The following XKR6 variants were observed in gnomAD, a reference collection of about 807,000 sequenced individuals.
XKR6 encodes XK related 6.
A neutral mutation model predicts 56.7 loss-of-function variants in XKR6; 22 were observed. That is an observed-to-expected ratio of 0.39 (90% CI 0.28 to 0.55). XKR6 has a LOEUF of 0.55. XKR6 is among the 20% of genes least tolerant of loss of function. The pLI, the probability that XKR6 is intolerant of heterozygous loss-of-function variation, is 0.66. For missense variants in XKR6, 852 were observed against 889.0 expected, an observed-to-expected ratio of 0.96 and a Z score of 0.53; for synonymous variants, 524 against 387.8, an observed-to-expected ratio of 1.35 and a Z score of -4.13.
chr8:11,112,197 T>A (rs867370929), intron 1 of XKR6, among the ~76,000 whole-genome samples: 2 of 152,242 alleles, frequency 1.3e-5, no homozygotes, highest in Non-Finnish European at 2.9e-5. Context: ...GTCTTTATTT[T>A]CTTTTAAAAG....
chr8:11,170,209 A>G (rs1802298785), intron 1 of XKR6, among the ~76,000 whole-genome samples: 3 of 152,222 alleles, frequency 2.0e-5, no homozygotes. Flanking sequence ...ATCCAACAAA[A>G]ATTAAGACTC....
At chr8:11,029,221 C>A (rs1798937866) in intron 1 of XKR6, among the ~76,000 whole-genome samples, 1 of 152,180 alleles carries the variant, frequency 6.6e-6, no homozygotes, top group African/African-American at 2.4e-5. Flanking sequence ...TGTTGACCCC[C>A]AAATGCCACA....
At chr8:10,964,410 C>T (rs1445867743) in intron 1 of XKR6, among the ~76,000 whole-genome samples, 1 of 152,158 alleles carries the variant, frequency 6.6e-6, no homozygotes, top group African/African-American at 2.4e-5. Context: ...AGGCTCCGAA[C>T]CACTCACAAG....
Position 10,898,583 on chromosome 8 carries a change from T to C in XKR6, c.1295A>G (p.Asn432Ser). The stretch of plus-strand genomic sequence containing the variant: ...ATATCGAGTCCGCCCTTCCTTGACG[T>C]TAAACCAGCAGAAAATGTACACGAT... ...VGIVYIFCWF[N>S]VKEGRTRYRM... Residue 432 changes from asparagine to serine, a missense_variant, in exon 3 of 3, where the codon AAC (asparagine) becomes AGC (serine). Physicochemically the swap from Asn to Ser is conservative, Grantham distance 46. Coordinates refer to ENST00000416569, the MANE Select transcript of XKR6 (RefSeq NM_173683.4). This position sits in a 1 kb window ranked among gnomAD's most constrained non-coding sequence, Gnocchi z 6.6. The C allele has an allele frequency of 6.2e-7, 1 of 1,614,040 alleles. No homozygotes were observed. Among genetic ancestry groups the C allele is most frequent in the Non-Finnish European group, 8.5e-7 (1 of 1,179,998 alleles).
chr8:11,012,976 A>G (rs909457246), intron 1 of XKR6, among the ~76,000 whole-genome samples: 9 of 152,148 alleles, frequency 5.9e-5, no homozygotes, highest in Non-Finnish European at 8.8e-5. Context: ...GAGTCATGAG[A>G]GCTCTAACAA....
Position 11,006,070 on chromosome 8 carries a change from C to T in XKR6, c.765-81240G>A, listed in dbSNP as rs1798361718. Among the ~76,000 whole-genome samples the T allele has an allele frequency of 2.0e-5, 3 of 152,084 alleles. No homozygotes were observed. In the South Asian group the frequency reaches 6.2e-4, roughly 32 times the overall value. Reference sequence around the variant, plus strand: ...TGGTGGCCAGGCTGGTCTCGAACTCCTGACCTCAAGTGATCCGCCCGCCTC... The same window carrying T: ...TGGTGGCCAGGCTGGTCTCGAACTCTTGACCTCAAGTGATCCGCCCGCCTC... On this transcript the variant is annotated intron_variant, in intron 1 of 2. Coordinates refer to ENST00000416569, the MANE Select transcript of XKR6 (RefSeq NM_173683.4).
chr8:11,122,013 C>T (rs1245303145), intron 1 of XKR6, among the ~76,000 whole-genome samples: 1 of 152,214 alleles, frequency 6.6e-6, no homozygotes. Context: ...GGAAGGGGAA[C>T]ATCACACACA....
chr8:11,061,612 T>A (rs1026640358), intron 1 of XKR6, among the ~76,000 whole-genome samples: 3 of 152,128 alleles, frequency 2.0e-5, no homozygotes, highest in Admixed American at 6.5e-5. Flanking sequence ...CATTCATTCA[T>A]TCATTCATTC....
intron 1 of XKR6, among the ~76,000 whole-genome samples, chr8:10,965,632 T>C (rs1404607472): frequency 4.6e-5 from 7 of 152,216 alleles, no homozygotes; most frequent in Admixed American, 2.6e-4. Flanking sequence ...ACAGCTCGCT[T>C]GAGACTTGGG....
intron 1 of XKR6, among the ~76,000 whole-genome samples, chr8:11,110,343 A>G (rs1177450727): frequency 6.6e-6 from 1 of 152,114 alleles, no homozygotes; most frequent in African/African-American, 2.4e-5. Context: ...CTCTTAAAAC[A>G]AGCAAAGCAA....
intron 1 of XKR6, among the ~76,000 whole-genome samples, chr8:11,132,929 A>AC (rs1800185595): frequency 6.6e-6 from 1 of 152,082 alleles, no homozygotes; most frequent in Admixed American, 6.5e-5. Flanking sequence ...TTGCTTTTCA[A>AC]TTTAGACTAA....
At chr8:11,090,167 C>G (rs1798018886) in intron 1 of XKR6, among the ~76,000 whole-genome samples, 1 of 152,192 alleles carries the variant, frequency 6.6e-6, no homozygotes, top group African/African-American at 2.4e-5. Flanking sequence ...TCACTGCAGT[C>G]TCAAAGTCCT....
intron 1 of XKR6, among the ~76,000 whole-genome samples, chr8:11,007,173 C>A (rs758045318): frequency 2.6e-5 from 4 of 152,148 alleles, no homozygotes; most frequent in African/African-American, 9.7e-5. Context: ...AATGTATGAC[C>A]ATGAGGGATA....
intron 1 of XKR6, among the ~76,000 whole-genome samples, chr8:10,940,553 C>T (rs1801357069): frequency 1.3e-5 from 2 of 152,174 alleles, no homozygotes; most frequent in East Asian, 1.9e-4. Context: ...GCAGGGGAAA[C>T]CCCTTTTTGA....
chr8:10,940,514 T>C (rs1801356182), intron 1 of XKR6, among the ~76,000 whole-genome samples: 5 of 152,158 alleles, frequency 3.3e-5, no homozygotes, highest in Admixed American at 3.3e-4. Context: ...CCAAGTGGCA[T>C]AGCAAGCCCT....
chr8:10,963,052 C>A (rs1241733512), intron 1 of XKR6, among the ~76,000 whole-genome samples: 3 of 152,222 alleles, frequency 2.0e-5, no homozygotes, highest in African/African-American at 7.2e-5. Flanking sequence ...GGCACCCCTG[C>A]AGTCAGCAGA....
At chr8:11,053,247 C>T (rs141589985) in intron 1 of XKR6, among the ~76,000 whole-genome samples, 117 of 152,348 alleles carry the variant, frequency 7.7e-4, no homozygotes, top group African/African-American at 2.7e-3. Context: ...ACATAGATGG[C>T]AAGGGCTAGG....
intron 1 of XKR6, among the ~76,000 whole-genome samples, chr8:11,026,140 C>T (rs942337053): frequency 3.3e-5 from 5 of 152,124 alleles, no homozygotes; most frequent in East Asian, 3.8e-4. Context: ...TAGATGGTGT[C>T]GCCTACTACA....
At chr8:11,158,998 A>G (rs975521211) in intron 1 of XKR6, among the ~76,000 whole-genome samples, 2 of 152,200 alleles carry the variant, frequency 1.3e-5, no homozygotes, top group Admixed American at 6.5e-5. Context: ...TTGTGAGGCC[A>G]AACTGCATGG....
Sources: allele counts gnomAD v4.1 joint callset (sites outside exome capture counted in the v4.1 genomes callset), GRCh38; gene constraint gnomAD v4.1.1; non-coding constraint Gnocchi (gnomAD v3.1); transcripts MANE v1.5; gene names NCBI Gene and HGNC (gene_info 2026-07-23, HGNC 2026-07-21).